C1orf21: variants seen among roughly 807,000 people sequenced by gnomAD.
C1orf21 encodes chromosome 1 open reading frame 21, also known as uncharacterized protein C1orf21.
A neutral mutation model predicts 18.7 loss-of-function variants in C1orf21; 3 were observed. That is an observed-to-expected ratio of 0.16 (90% CI 0.07 to 0.42). The LOEUF (loss-of-function observed/expected upper bound fraction) is 0.42. Ranked by LOEUF, C1orf21 falls within the 10% of genes least tolerant of loss-of-function variation. C1orf21 has a pLI of 0.99. For synonymous variants in C1orf21, 41 were observed against 46.4 expected, an observed-to-expected ratio of 0.88 and a Z score of 0.47; for missense variants, 104 against 143.6, an observed-to-expected ratio of 0.72 and a Z score of 1.41.
At chr1:184,541,857 C>T (rs1658656946) in intron 3 of C1orf21, among the ~76,000 whole-genome samples, 2 of 152,152 alleles carry the variant, frequency 1.3e-5, no homozygotes, top group South Asian at 2.1e-4. Flanking sequence ...CAGCTAGAAG[C>T]GTCTGAACTT....
At chr1:184,554,790 T>G (rs1278870287) in intron 3 of C1orf21, among the ~76,000 whole-genome samples, 1 of 152,232 alleles carries the variant, frequency 6.6e-6, no homozygotes, top group Admixed American at 6.5e-5. Context: ...TAAAAATTTC[T>G]TACAACTTAT....
chr1:184,393,758 G>A (rs1475009499), intron 1 of C1orf21, among the ~76,000 whole-genome samples: 3 of 152,220 alleles, frequency 2.0e-5, no homozygotes, highest in Non-Finnish European at 2.9e-5. Flanking sequence ...ACCAAAGGAA[G>A]ACTTTATTAC....
intron 1 of C1orf21, among the ~76,000 whole-genome samples, chr1:184,394,633 A>C (rs904580192): frequency 2.6e-5 from 4 of 152,120 alleles, no homozygotes; most frequent in African/African-American, 9.7e-5. Context: ...AAGTAAGGAG[A>C]TGCTGCGGGC....
chr1:184,471,251 A>G (rs1657491660), intron 1 of C1orf21, among the ~76,000 whole-genome samples: 1 of 152,196 alleles, frequency 6.6e-6, no homozygotes, highest in Non-Finnish European at 1.5e-5. Context: ...AAGAAGAAAT[A>G]GGGGATCTAA....
intron 2 of C1orf21, 29 bp downstream of exon 2, chr1:184,477,632 C>T: frequency 6.3e-7 from 1 of 1,579,618 alleles, no homozygotes; most frequent in South Asian, 1.1e-5. Context: ...GACTCTTGAC[C>T]CATTGATTCT....
chr1:184,435,769 G>A (rs1656848070), intron 1 of C1orf21, among the ~76,000 whole-genome samples: 1 of 152,174 alleles, frequency 6.6e-6, no homozygotes, highest in Non-Finnish European at 1.5e-5. Context: ...TGAGGCAAAA[G>A]GAAAACTATC....
At chr1:184,436,933 A>T (rs989000360) in intron 1 of C1orf21, among the ~76,000 whole-genome samples, 22 of 152,132 alleles carry the variant, frequency 1.4e-4, no homozygotes, top group African/African-American at 5.3e-4. Flanking sequence ...AGTGAGATTG[A>T]GCGGCGGGTT....
chr1:184,586,864 A>C (rs1036266845), intron 3 of C1orf21, among the ~76,000 whole-genome samples: 1 of 152,050 alleles, frequency 6.6e-6, no homozygotes, highest in Admixed American at 6.5e-5. Flanking sequence ...GTCCATTCCT[A>C]TGTCCAAAAT....
Position 184,410,640 on chromosome 1 carries a change from TATATATATATATATATATATATA to T in C1orf21, c.-125+23273_-125+23295del, listed in dbSNP as rs1162522707. ...TATTATATATATATATATATATATA[TATATATATATATATATATATATA>T]TTTTTTTTTTTTTTTTTTGAGATGG... On this transcript the variant is annotated intron_variant, in intron 1 of 5. Coordinates refer to ENST00000235307, the MANE Select transcript of C1orf21 (RefSeq NM_030806.4). Among the ~76,000 whole-genome samples the T allele has an allele frequency of 5.9e-3, 29 of 4,894 alleles. 4 individuals are homozygous for T. In the East Asian group the frequency reaches 0.067, roughly 11 times the overall value. The allele number at this position is 4,894 out of a possible 152,430, so 3.2% of individuals were successfully genotyped here.
At chr1:184,530,257 G>A (rs2101972744) in intron 3 of C1orf21, among the ~76,000 whole-genome samples, 1 of 152,184 alleles carries the variant, frequency 6.6e-6, no homozygotes, top group East Asian at 1.9e-4. Flanking sequence ...TTTAGCTCTG[G>A]GCCTTGGACA....
At chr1:184,436,453 C>T (rs1349864693) in intron 1 of C1orf21, among the ~76,000 whole-genome samples, 2 of 151,936 alleles carry the variant, frequency 1.3e-5, no homozygotes, top group African/African-American at 2.4e-5. Flanking sequence ...GCCCACGAGA[C>T]ACATTCGGCA....
At chr1:184,527,701 C>A (rs1234851351) in intron 3 of C1orf21, among the ~76,000 whole-genome samples, 1 of 152,108 alleles carries the variant, frequency 6.6e-6, no homozygotes, top group Non-Finnish European at 1.5e-5. Flanking sequence ...TCAGAGAAAC[C>A]CAGATTTAGA....
At chr1:184,455,115 T>C (rs1469805593) in intron 1 of C1orf21, among the ~76,000 whole-genome samples, 2 of 152,152 alleles carry the variant, frequency 1.3e-5, no homozygotes, top group African/African-American at 4.8e-5. Context: ...ATAAACACTT[T>C]GGGCCATTCA....
intron 1 of C1orf21, among the ~76,000 whole-genome samples, chr1:184,440,563 T>A (rs1656928362): frequency 6.6e-6 from 1 of 151,858 alleles, no homozygotes. Context: ...TTTTTTTTTT[T>A]AATATTAGAG....
chr1:184,543,479 G>A (rs1163117886), intron 3 of C1orf21, among the ~76,000 whole-genome samples: 1 of 152,186 alleles, frequency 6.6e-6, no homozygotes, highest in African/African-American at 2.4e-5. Context: ...AAAGCCTTCT[G>A]AATTGTTTAT....
At chr1:184,522,729 C>G (rs1348158158) in intron 3 of C1orf21, among the ~76,000 whole-genome samples, 3 of 152,050 alleles carry the variant, frequency 2.0e-5, no homozygotes, top group Non-Finnish European at 4.4e-5. Flanking sequence ...TCCGATTTGC[C>G]CAGGCTGGAG....
At chr1:184,410,620 TATA>T (rs1656319882) in intron 1 of C1orf21, among the ~76,000 whole-genome samples, 2 of 4,394 alleles carry the variant, frequency 4.6e-4, no homozygotes, top group South Asian at 0.01. Flanking sequence ...ATATATATTA[TATA>T]TATATATATA....
At chr1:184,396,783 A>C (rs917926101) in intron 1 of C1orf21, among the ~76,000 whole-genome samples, 1 of 152,034 alleles carries the variant, frequency 6.6e-6, no homozygotes, top group Non-Finnish European at 1.5e-5. Flanking sequence ...CAATATTGTA[A>C]TTGCTCATTC....
At chr1:184,439,658 A>G (rs572553726) in intron 1 of C1orf21, among the ~76,000 whole-genome samples, 132 of 152,222 alleles carry the variant, frequency 8.7e-4, no homozygotes, top group African/African-American at 3.1e-3. Flanking sequence ...CAATCACTCA[A>G]CCTACATTAT....
Sources: gnomAD v4.1 joint callset for allele counts (sites outside exome capture counted in the v4.1 genomes callset) on GRCh38, gnomAD v4.1.1 for gene constraint, MANE v1.5 for transcripts, NCBI Gene and HGNC (gene_info 2026-07-23, HGNC 2026-07-21) for gene names.